The following ATP9B variants were observed in gnomAD, a reference collection of about 807,000 sequenced individuals.
The protein encoded by ATP9B is probable phospholipid-transporting ATPase IIB.
Under a neutral mutation model 146.1 loss-of-function variants are expected in ATP9B, and 110 were observed. The observed-to-expected ratio is 0.75, with a 90% CI of 0.65 to 0.88. The LOEUF is 0.88. ATP9B is among the 40% of genes least tolerant of loss of function. The probability of loss-of-function intolerance (pLI) is 0.00; values close to 1 mark genes in which losing one functional copy is unlikely to be tolerated. For synonymous variants in ATP9B, 604 were observed against 569.7 expected, an observed-to-expected ratio of 1.06 and a Z score of -0.86; for missense variants, 1,499 against 1,496.4, an observed-to-expected ratio of 1.00 and a Z score of -0.03.
At chr18:79,072,919 G>A (rs1021045177) in intron 1 of ATP9B, among the ~76,000 whole-genome samples, 12 of 151,938 alleles carry the variant, frequency 7.9e-5, no homozygotes, top group Admixed American at 5.9e-4. Context: ...CAGACAGGGC[G>A]GCCGGGCAGA....
chr18:79,349,930 C>A (rs2096913505), intron 25 of ATP9B, among the ~76,000 whole-genome samples: 1 of 146,720 alleles, frequency 6.8e-6, no homozygotes, highest in East Asian at 2.1e-4. Context: ...CACCCCCAGG[C>A]TGCGCAGTTG....
intron 12 of ATP9B, among the ~76,000 whole-genome samples, chr18:79,261,385 A>G (rs952798504): frequency 2.0e-5 from 3 of 152,142 alleles, no homozygotes; most frequent in Admixed American, 6.5e-5. Flanking sequence ...CCCTCATTGC[A>G]GTGAATGTCC....
At chr18:79,314,530 A>G (rs997845412) in intron 15 of ATP9B, among the ~76,000 whole-genome samples, 5 of 152,216 alleles carry the variant, frequency 3.3e-5, no homozygotes, top group African/African-American at 9.6e-5. Flanking sequence ...CTTGTGTGGT[A>G]TGTGTGGTGA....
intron 1 of ATP9B, among the ~76,000 whole-genome samples, chr18:79,080,084 A>G (rs1252406493): frequency 6.6e-6 from 1 of 152,208 alleles, no homozygotes; most frequent in Non-Finnish European, 1.5e-5. Flanking sequence ...TGACGCCTCC[A>G]GGTTTGTTCT....
intron 12 of ATP9B, among the ~76,000 whole-genome samples, chr18:79,272,492 G>C (rs1029043659): frequency 2.7e-5 from 4 of 148,990 alleles, no homozygotes; most frequent in African/African-American, 9.9e-5. Context: ...TTCTCTCCCT[G>C]AGCTGTCTCC....
intron 26 of ATP9B, chr18:79,362,467 T>C (rs2096995645): frequency 6.6e-6 from 1 of 152,248 alleles, no homozygotes; most frequent in Non-Finnish European, 1.5e-5. Context: ...AAATGGTATA[T>C]TTGCAACACT....
chr18:79,183,276 T>TA (rs1287904552), intron 8 of ATP9B, among the ~76,000 whole-genome samples: 1 of 152,088 alleles, frequency 6.6e-6, no homozygotes, highest in African/African-American at 2.4e-5. Context: ...ATTCTAGATT[T>TA]AAAAAAAAGC....
At chr18:79,172,748 T>A (rs2095098404) in intron 7 of ATP9B, among the ~76,000 whole-genome samples, 1 of 152,282 alleles carries the variant, frequency 6.6e-6, no homozygotes. Flanking sequence ...ATTTCATGGA[T>A]GGATGTACCA....
At chr18:79,071,399 C>CTTTTTTTTTTTTTTTTTTTT (rs56119715) in intron 1 of ATP9B, among the ~76,000 whole-genome samples, 816 of 69,250 alleles carry the variant, frequency 0.012, 162 homozygotes, top group South Asian at 0.015. Flanking sequence ...ATTGTTCTTC[C>CTTTTTTTTTTTTTTTTTTTT]TTTTTTTTTT....
At chr18:79,209,662 G>A (rs569923563) in intron 10 of ATP9B, 1 of 985,332 alleles carries the variant, frequency 1.0e-6, no homozygotes, top group Admixed American at 6.1e-5. Flanking sequence ...ATTCAGTGTT[G>A]TGTCTTCCTA....
chr18:79,149,482 A>G (rs1005996448), intron 6 of ATP9B, among the ~76,000 whole-genome samples: 1 of 152,204 alleles, frequency 6.6e-6, no homozygotes, highest in Non-Finnish European at 1.5e-5. Flanking sequence ...TTTAGAAAAA[A>G]AAAATATTTA....
At chr18:79,217,401 G>A (rs1192087212) in intron 11 of ATP9B, among the ~76,000 whole-genome samples, 5 of 152,160 alleles carry the variant, frequency 3.3e-5, no homozygotes, top group African/African-American at 1.2e-4. Context: ...AGCCAGGATT[G>A]TCTCATTCTC....
chr18:79,130,762 C>T (rs1439355336), intron 5 of ATP9B, among the ~76,000 whole-genome samples: 1 of 151,906 alleles, frequency 6.6e-6, no homozygotes, highest in East Asian at 1.9e-4. Flanking sequence ...TATCAGAAGC[C>T]ATGGAGGTCT....
At chr18:79,365,113 CT>C (rs2097018613) in intron 26 of ATP9B, among the ~76,000 whole-genome samples, 1 of 152,144 alleles carries the variant, frequency 6.6e-6, no homozygotes. Flanking sequence ...GCATGTCACA[CT>C]TTTGATAAAG....
At chr18:79,318,957 C>T (rs1373661783) in intron 15 of ATP9B, among the ~76,000 whole-genome samples, 1 of 152,134 alleles carries the variant, frequency 6.6e-6, no homozygotes, top group Non-Finnish European at 1.5e-5. Flanking sequence ...AACTCGTGTC[C>T]TTGTGAAATT....
intron 9 of ATP9B, among the ~76,000 whole-genome samples, chr18:79,195,625 A>T (rs192856126): frequency 2.0e-5 from 3 of 152,358 alleles, no homozygotes; most frequent in East Asian, 3.9e-4. Context: ...AAAATGGAAT[A>T]AATTTCTCAA....
chr18:79,270,498 CGT>C (rs375924180), intron 12 of ATP9B, among the ~76,000 whole-genome samples: 11 of 145,594 alleles, frequency 7.6e-5, no homozygotes, highest in African/African-American at 2.8e-4. Flanking sequence ...CAAACAATAA[CGT>C]GTGACTCCTC....
chr18:79,313,602 AT>A (rs1337895479), intron 15 of ATP9B, among the ~76,000 whole-genome samples: 2 of 152,176 alleles, frequency 1.3e-5, no homozygotes, highest in Admixed American at 1.3e-4. Context: ...CTTATTCCAC[AT>A]TTTTTATTCA....
chr18:79,153,294 G>A (rs2094720188), intron 6 of ATP9B, among the ~76,000 whole-genome samples: 1 of 152,136 alleles, frequency 6.6e-6, no homozygotes, highest in African/African-American at 2.4e-5. Flanking sequence ...TTTCCCAGTT[G>A]ATAGAACTAT....
Sources: allele counts gnomAD v4.1 joint callset (sites outside exome capture counted in the v4.1 genomes callset), GRCh38; gene constraint gnomAD v4.1.1; transcripts MANE v1.5; gene names NCBI Gene and HGNC (gene_info 2026-07-23, HGNC 2026-07-21).